ITGBL1: variants seen among roughly 807,000 people sequenced by gnomAD.
ITGBL1 encodes integrin beta-like protein 1.
In ITGBL1, 51 loss-of-function variants were observed where a neutral mutation model predicts 68.5. The ratio of observed to expected loss-of-function variants is 0.74; its 90% CI spans 0.59 to 0.94. ITGBL1 has a LOEUF of 0.94. Among genes scored for constraint, ITGBL1 ranks in the 40% least tolerant of loss-of-function variants. The pLI, the probability that ITGBL1 is intolerant of heterozygous loss-of-function variation, is 0.00. For synonymous variants in ITGBL1, 209 were observed against 227.3 expected, an observed-to-expected ratio of 0.92 and a Z score of 0.72; for missense variants, 649 against 647.4, an observed-to-expected ratio of 1.00 and a Z score of -0.03.
chr13:101,478,736 A>G (rs2048572757), intron 2 of ITGBL1, among the ~76,000 whole-genome samples: 1 of 151,908 alleles, frequency 6.6e-6, no homozygotes. Context: ...CAACAGCTAC[A>G]AATAAAATGA....
intron 2 of ITGBL1, among the ~76,000 whole-genome samples, chr13:101,552,549 C>T (rs1487388415): frequency 2.0e-5 from 3 of 152,142 alleles, no homozygotes; most frequent in Non-Finnish European, 4.4e-5. Context: ...CTTCTATTGG[C>T]TTTCAAGAGA....
intron 7 of ITGBL1, 51 bp downstream of exon 7, chr13:101,598,350 T>G: frequency 7.4e-7 from 1 of 1,360,352 alleles, no homozygotes; most frequent in Non-Finnish European, 9.7e-7. Flanking sequence ...ACAATTCAAA[T>G]GAATTCAATG....
intron 4 of ITGBL1, among the ~76,000 whole-genome samples, chr13:101,578,048 G>A (rs552703262): frequency 2.6e-5 from 4 of 152,094 alleles, no homozygotes; most frequent in African/African-American, 7.2e-5. Flanking sequence ...TCTCACTATA[G>A]CACTCTTTCT....
chr13:101,665,926 C>T (rs952098428), intron 7 of ITGBL1, among the ~76,000 whole-genome samples: 3 of 152,128 alleles, frequency 2.0e-5, no homozygotes, highest in Non-Finnish European at 2.9e-5. Flanking sequence ...GCCTGCCTAA[C>T]CTTGGACGGA....
chr13:101,600,527 G>T (rs1299286629), intron 7 of ITGBL1, among the ~76,000 whole-genome samples: 7 of 152,048 alleles, frequency 4.6e-5, no homozygotes, highest in Non-Finnish European at 4.4e-5. Context: ...GTTTTCAAAG[G>T]GAATGCTTCC....
chr13:101,672,168 G>A lies in ITGBL1; in HGVS notation c.1016-20417G>A, dbSNP rs182907858. ...ATCTTTAGTAAAGATTGGGATGACTGTAGAGAGAAAAATTATGTTTCTAAA... is the reference window on the plus strand; with the variant it reads ...ATCTTTAGTAAAGATTGGGATGACTATAGAGAGAAAAATTATGTTTCTAAA... On this transcript the variant is annotated intron_variant, in intron 7 of 10. Coordinates refer to ENST00000376180, the MANE Select transcript of ITGBL1 (RefSeq NM_004791.3). 1.7e-3 allele frequency among the ~76,000 whole-genome samples: 252 copies of A among 152,282 alleles called. 1 individual carries two copies. The highest frequency in any genetic ancestry group is 4.0e-4 in the Non-Finnish European group (27 of 68,014).
intron 7 of ITGBL1, among the ~76,000 whole-genome samples, chr13:101,678,322 G>A (rs1222386643): frequency 6.6e-6 from 1 of 152,232 alleles, no homozygotes; most frequent in East Asian, 1.9e-4. Flanking sequence ...GTTTTATGGT[G>A]AATTTTTCTT....
chr13:101,561,722 G>A (rs1486223347), intron 2 of ITGBL1, among the ~76,000 whole-genome samples: 2 of 152,080 alleles, frequency 1.3e-5, no homozygotes, highest in East Asian at 3.9e-4. Flanking sequence ...ATAAATGTTA[G>A]CATTGAATTC....
chr13:101,469,937 G>A (rs1388984836), intron 2 of ITGBL1, among the ~76,000 whole-genome samples: 1 of 152,150 alleles, frequency 6.6e-6, no homozygotes, highest in Non-Finnish European at 1.5e-5. Context: ...TATTGTTGCT[G>A]CCTGTGTGAT....
intron 8 of ITGBL1, among the ~76,000 whole-genome samples, chr13:101,693,522 G>A (rs1446997143): frequency 6.6e-6 from 1 of 152,030 alleles, no homozygotes; most frequent in African/African-American, 2.4e-5. Flanking sequence ...GAGGGTGGAG[G>A]GTGGGTTGAG....
At chr13:101,675,224 T>C (rs1207523687) in intron 7 of ITGBL1, among the ~76,000 whole-genome samples, 1 of 152,164 alleles carries the variant, frequency 6.6e-6, no homozygotes, top group South Asian at 2.1e-4. Context: ...TAAAAATTTT[T>C]CCCTTTTTCT....
chr13:101,683,399 A>ATGTATT (rs1025807353), intron 7 of ITGBL1, among the ~76,000 whole-genome samples: 4 of 152,012 alleles, frequency 2.6e-5, no homozygotes, highest in African/African-American at 9.7e-5. Flanking sequence ...ATTACGTTGA[A>ATGTATT]TGTATTTGCG....
chr13:101,545,097 C>T (rs535803711), intron 2 of ITGBL1, among the ~76,000 whole-genome samples: 10 of 152,244 alleles, frequency 6.6e-5, no homozygotes, highest in Middle Eastern at 3.4e-3. Context: ...GAGATGAACC[C>T]GGTACCTCAG....
intron 2 of ITGBL1, among the ~76,000 whole-genome samples, chr13:101,462,069 T>C (rs932019055): frequency 7.2e-5 from 11 of 152,174 alleles, no homozygotes; most frequent in African/African-American, 2.7e-4. Context: ...TGGCTGTCAG[T>C]TGGGGTCCCT....
intron 6 of ITGBL1, among the ~76,000 whole-genome samples, chr13:101,585,900 C>T (rs183986617): frequency 3.3e-5 from 5 of 152,252 alleles, no homozygotes; most frequent in Non-Finnish European, 7.4e-5. Flanking sequence ...ATCCATAATT[C>T]TGATGTTGAT....
chr13:101,693,942 C>T lies in ITGBL1; in HGVS notation c.1132+1241C>T, dbSNP rs571339052. On this transcript the variant is annotated intron_variant, in intron 8 of 10. Transcript: ENST00000376180. ...AATAATGGAACACCAGGCATAAATT[C>T]GTAAAACATCTGCTGTGCTGGGCAG... Among the ~76,000 whole-genome samples, 15 of 152,210 alleles carry T rather than the reference C, an allele frequency of 9.9e-5. No homozygotes were observed. In the South Asian group the frequency reaches 1.2e-3, roughly 13 times the overall value.
At chr13:101,705,612 TA>T (rs558660623) in intron 8 of ITGBL1, among the ~76,000 whole-genome samples, 55 of 147,190 alleles carry the variant, frequency 3.7e-4, no homozygotes, top group Admixed American at 1.8e-3. Context: ...CTATCACTCC[TA>T]AAAAAAAAAG....
intron 7 of ITGBL1, among the ~76,000 whole-genome samples, chr13:101,627,282 T>C (rs1047698224): frequency 6.6e-6 from 1 of 152,162 alleles, no homozygotes; most frequent in African/African-American, 2.4e-5. Flanking sequence ...TCAATGCTTT[T>C]TGTAATACAC....
intron 2 of ITGBL1, among the ~76,000 whole-genome samples, chr13:101,474,676 CA>C (rs2048510720): frequency 6.6e-6 from 1 of 152,168 alleles, no homozygotes; most frequent in African/African-American, 2.4e-5. Flanking sequence ...GTAGTTGCAA[CA>C]GGGGTGCTTG....
Sources: allele counts gnomAD v4.1 joint callset (sites outside exome capture counted in the v4.1 genomes callset), GRCh38; gene constraint gnomAD v4.1.1; transcripts MANE v1.5; gene names NCBI Gene and HGNC (gene_info 2026-07-23, HGNC 2026-07-21).